POU3F3: variants seen among roughly 807,000 people sequenced by gnomAD.
POU3F3 encodes the protein POU class 3 homeobox 3, also known as POU domain, class 3, transcription factor 3.
POU3F3 carries 1 observed loss-of-function variant against 8.6 expected under a neutral mutation model. The observed-to-expected ratio is 0.12, with a 90% confidence interval of 0.04 to 0.55. The LOEUF (loss-of-function observed/expected upper bound fraction) is 0.55. Among genes scored for constraint, POU3F3 ranks in the 20% least tolerant of loss-of-function variants. The pLI is 0.91. For missense variants in POU3F3, 577 were observed against 690.7 expected (o/e 0.84, Z 1.84); for synonymous variants, 418 against 327.4 (o/e 1.28, Z -2.99).
the POU3F3 span, chr2:104,872,542 G>C: frequency 0.23 from 70,173 of 309,826 alleles, 8,107 homozygotes; most frequent in Middle Eastern, 0.3. This position sits in a 1 kb window ranked among gnomAD's most constrained non-coding sequence, Gnocchi z 4.6. Context: ...GCTAACCCCC[G>C]CCCTCCCGGT....
chr2:104,909,987 G>A, the POU3F3 span, among the ~76,000 whole-genome samples: 1 of 152,072 alleles, frequency 6.6e-6, no homozygotes, highest in Non-Finnish European at 1.5e-5. Context: ...GGCTTTATTG[G>A]ACATTACATA....
chr2:104,904,964 G>A, the POU3F3 span, among the ~76,000 whole-genome samples: 1 of 152,144 alleles, frequency 6.6e-6, no homozygotes, highest in East Asian at 1.9e-4. Context: ...TGTAGGAAAT[G>A]GAGCCATTAT....
chr2:104,911,925 T>C, the POU3F3 span, among the ~76,000 whole-genome samples: 1 of 152,048 alleles, frequency 6.6e-6, no homozygotes, highest in Admixed American at 6.6e-5. Context: ...ATATATAATA[T>C]TATTATATTA....
the POU3F3 span, among the ~76,000 whole-genome samples, chr2:104,905,347 GC>G: frequency 6.6e-6 from 1 of 152,064 alleles, no homozygotes; most frequent in Non-Finnish European, 1.5e-5. Flanking sequence ...TCCACTTTAT[GC>G]ATATAGTGGA....
chr2:104,907,115 C>T, the POU3F3 span, among the ~76,000 whole-genome samples: 2 of 152,290 alleles, frequency 1.3e-5, no homozygotes, highest in East Asian at 1.9e-4. Context: ...ATCCTAGCTC[C>T]TTCCCCCATC....
At chr2:104,864,032 C>T in the POU3F3 span, among the ~76,000 whole-genome samples, 1 of 152,212 alleles carries the variant, frequency 6.6e-6, no homozygotes, top group Non-Finnish European at 1.5e-5. Context: ...CCGCTTCCCG[C>T]GTGTGGGAAA....
At chr2:104,859,949 T>C (rs1032575182), downstream of POU3F3, among the ~76,000 whole-genome samples, 3 of 152,146 alleles carry the variant, frequency 2.0e-5, no homozygotes, top group Admixed American at 1.3e-4. Context: ...AAAGAAGTCC[T>C]CATTGGAAAG....
At chr2:104,876,234 GA>G in the POU3F3 span, among the ~76,000 whole-genome samples, 2 of 152,030 alleles carry the variant, frequency 1.3e-5, no homozygotes, top group African/African-American at 4.8e-5. Flanking sequence ...GTAGAAGACA[GA>G]AAAAAAATGT....
Position 104,856,059 on chromosome 2 carries a change from C to T in POU3F3, c.549C>T (p.His183=), listed in dbSNP as rs993106557. Residue 183 remains histidine (H), a synonymous_variant, in exon 1 of 1, where the codon CAC becomes CAT. Transcript: ENST00000361360. ...GPPPPPPHQG[H]PGGWGAAAAA... is the part of the protein sequence containing the mutation. ...CGCCGCCGCCCCCACACCAGGGCCA[C>T]CCTGGGGGCTGGGGGGCGGCCGCCG... 7.0e-3 allele frequency: 7,067 copies of T among 1,005,278 alleles called. 30 individuals carry two copies. The highest frequency in any genetic ancestry group is 7.9e-3 in the Admixed American group (128 of 16,124). 62.3% of individuals were successfully genotyped at this position (1,005,278 alleles called of 1,614,324 possible).
At chr2:104,883,704 T>C in the POU3F3 span, among the ~76,000 whole-genome samples, 3 of 152,212 alleles carry the variant, frequency 2.0e-5, no homozygotes, top group African/African-American at 7.2e-5. Context: ...GTGTTTAATG[T>C]CAGAAAATCA....
chr2:104,861,718 C>CGTT (rs1205233598), downstream of POU3F3, among the ~76,000 whole-genome samples: 1 of 152,194 alleles, frequency 6.6e-6, no homozygotes, highest in African/African-American at 2.4e-5. Context: ...GTGTTGTTGT[C>CGTT]GTTGTTGTTG....
the POU3F3 span, among the ~76,000 whole-genome samples, chr2:104,922,923 T>A: frequency 1.3e-5 from 2 of 152,064 alleles, no homozygotes; most frequent in Non-Finnish European, 2.9e-5. Context: ...AAGTAAGGGA[T>A]CTTCAATAAA....
chr2:104,858,894 T>C (rs1200446649), downstream of POU3F3, among the ~76,000 whole-genome samples: 1 of 152,208 alleles, frequency 6.6e-6, no homozygotes, highest in Non-Finnish European at 1.5e-5. Context: ...TATCGAAAGA[T>C]TGAACGATAT....
At chr2:104,908,956 T>C in the POU3F3 span, among the ~76,000 whole-genome samples, 2 of 152,244 alleles carry the variant, frequency 1.3e-5, no homozygotes, top group Admixed American at 1.3e-4. Context: ...CTTACTCTTT[T>C]CTTTTTTTAA....
chr2:104,853,882 T>C (rs984365789), upstream of POU3F3: 1 of 150,122 alleles, frequency 6.7e-6, no homozygotes, highest in African/African-American at 2.5e-5. Flanking sequence ...GAGGGGAAAG[T>C]GGTGAGGGGG....
At position 104,855,767 on chromosome 2, in the gene POU3F3, A is replaced by G. The variant is rs897586804; in HGVS notation, c.257A>G (p.Asn86Ser). The G allele has an allele frequency of 2.3e-6, 3 of 1,315,396 alleles. No homozygotes were observed. Among genetic ancestry groups the G allele is most frequent in the African/African-American group, 3.2e-5 (2 of 62,844 alleles). The allele number at this position is 1,315,396 out of a possible 1,614,324, so 81.5% of individuals were successfully genotyped here. ...ATGCAGGGGGCCATGGCCGCCAGCA[A>G]CGGCGGCCATATGCTGAGCCACGCG... ...DFMQGAMAAS[N>S]GGHMLSHAHQ... The change falls in exon 1 of 1, where the codon AAC (asparagine) becomes AGC (serine). Residue 86 changes from asparagine to serine, a missense_variant. Asn to Ser is a conservative substitution (Grantham distance 46). Coordinates refer to ENST00000361360, the MANE Select transcript of POU3F3 (RefSeq NM_006236.3).
chr2:104,863,661 T>G, the POU3F3 span, among the ~76,000 whole-genome samples: 1 of 152,120 alleles, frequency 6.6e-6, no homozygotes, highest in Non-Finnish European at 1.5e-5. Flanking sequence ...CCGTGACCCC[T>G]TGGGTCTTCC....
At chr2:104,918,281 C>T in the POU3F3 span, among the ~76,000 whole-genome samples, 4 of 152,152 alleles carry the variant, frequency 2.6e-5, no homozygotes, top group South Asian at 2.1e-4. Context: ...TCTGGTGACC[C>T]GTGAACTAAG....
the POU3F3 span, among the ~76,000 whole-genome samples, chr2:104,916,186 T>C: frequency 6.6e-6 from 1 of 152,158 alleles, no homozygotes; most frequent in Non-Finnish European, 1.5e-5. Flanking sequence ...ATTTTAATAA[T>C]AAAGAGCTCA....
Sources: allele counts gnomAD v4.1 joint callset (sites outside exome capture counted in the v4.1 genomes callset), GRCh38; gene constraint gnomAD v4.1.1; non-coding constraint Gnocchi (gnomAD v3.1); transcripts MANE v1.5; gene names NCBI Gene and HGNC (gene_info 2026-07-23, HGNC 2026-07-21).